Variants in ANKRD55 observed in about 807,000 individuals in gnomAD.
ANKRD55 encodes ankyrin repeat domain-containing protein 55.
Under a neutral mutation model 60.6 loss-of-function variants are expected in ANKRD55, and 41 were observed. The ratio of observed to expected loss-of-function variants is 0.68; its 90% CI spans 0.53 to 0.88. The LOEUF (loss-of-function observed/expected upper bound fraction) is 0.88, where lower values mean the gene tolerates loss of function less well. Ranked by LOEUF, ANKRD55 falls within the 40% of genes least tolerant of loss-of-function variation. The pLI is 0.00. For synonymous variants in ANKRD55, 264 were observed against 290.3 expected, an observed-to-expected ratio of 0.91 and a Z score of 0.92; for missense variants, 732 against 767.6, an observed-to-expected ratio of 0.95 and a Z score of 0.55.
At chr5:56,186,623 CT>C in intron 2 of ANKRD55, among the ~76,000 whole-genome samples, 1 of 152,258 alleles carries the variant, frequency 6.6e-6, no homozygotes, top group South Asian at 2.1e-4. Flanking sequence ...ACTACTGCTA[CT>C]TAAAAAATTT....
At chr5:56,141,131 T>TTTG (rs376416257) in intron 7 of ANKRD55, among the ~76,000 whole-genome samples, 1,832 of 13,110 alleles carry the variant, frequency 0.14, 35 homozygotes, top group Admixed American at 0.34. Context: ...GCACACACAG[T>TTTG]TTTTTTTTTT....
chr5:56,214,078 G>A (rs1257887829), intron 2 of ANKRD55, among the ~76,000 whole-genome samples: 1 of 152,220 alleles, frequency 6.6e-6, no homozygotes, highest in African/African-American at 2.4e-5. Flanking sequence ...CCATTTATAA[G>A]ACCATCAGAT....
intron 6 of ANKRD55, among the ~76,000 whole-genome samples, chr5:56,151,086 G>A (rs117489887): frequency 3.3e-5 from 5 of 152,192 alleles, no homozygotes; most frequent in Admixed American, 2.6e-4. Context: ...CTGAACTCCT[G>A]AGCTCAAGCA....
chr5:56,170,194 C>A (rs1362202259), intron 5 of ANKRD55, among the ~76,000 whole-genome samples: 1 of 152,158 alleles, frequency 6.6e-6, no homozygotes, highest in African/African-American at 2.4e-5. Flanking sequence ...ACCTTTCTGC[C>A]CAGTCACTGC....
At chr5:56,223,437 T>A (rs554313478) in intron 2 of ANKRD55, among the ~76,000 whole-genome samples, 79 of 152,298 alleles carry the variant, frequency 5.2e-4, no homozygotes, top group African/African-American at 1.8e-3. Context: ...AGGAAGAAAC[T>A]GCATCAACTA....
At chr5:56,140,869 T>C (rs952994651) in intron 7 of ANKRD55, among the ~76,000 whole-genome samples, 6 of 151,940 alleles carry the variant, frequency 3.9e-5, no homozygotes, top group African/African-American at 1.5e-4. Context: ...TCGAGACCAG[T>C]CTGACCCATG....
chr5:56,135,214 C>A (rs536544840), intron 7 of ANKRD55, among the ~76,000 whole-genome samples: 146 of 14,654 alleles, frequency 1.0e-2, no homozygotes, highest in Middle Eastern at 0.038. Flanking sequence ...TCACAACTTT[C>A]CTTCCTTCCT....
At chr5:56,175,601 C>T (rs1758718839) in intron 4 of ANKRD55, among the ~76,000 whole-genome samples, 1 of 152,106 alleles carries the variant, frequency 6.6e-6, no homozygotes, top group South Asian at 2.1e-4. Flanking sequence ...TATTATGACA[C>T]AGTTGTTAAA....
intron 2 of ANKRD55, among the ~76,000 whole-genome samples, chr5:56,220,378 C>A (rs1468672207): frequency 3.3e-5 from 5 of 152,104 alleles, no homozygotes; most frequent in African/African-American, 9.7e-5. Flanking sequence ...GAAATGGAGG[C>A]CACAGCACAC....
At chr5:56,119,026 A>C (rs1330237412) in intron 8 of ANKRD55, among the ~76,000 whole-genome samples, 1 of 152,246 alleles carries the variant, frequency 6.6e-6, no homozygotes, top group Non-Finnish European at 1.5e-5. Context: ...GTTCCTTCCG[A>C]AGTTAAACAC....
chr5:56,111,369 C>T lies in ANKRD55; in HGVS notation c.1379G>A (p.Ser460Asn), dbSNP rs770422457. 5 of 1,614,156 alleles carry T rather than the reference C, an allele frequency of 3.1e-6. No homozygotes were observed. Among genetic ancestry groups the T allele is most frequent in the Non-Finnish European group, 3.4e-6 (4 of 1,180,048 alleles). The change falls in exon 10 of 12, where the codon AGC (serine) becomes AAC (asparagine). Residue 460 changes from serine to asparagine, a missense_variant. By Grantham distance (46) the Ser-to-Asn change is conservative. Transcript: ENST00000341048. ...CTGGGCCATATGATGAGGAGCAGAG[C>T]TCAGGCCTGCATGGGAAGTGGCCCT... ...SHRATSHAGL[S>N]SAPHHMAQRS...
chr5:56,104,004 A>G (rs1756371319), intron 10 of ANKRD55, among the ~76,000 whole-genome samples: 2 of 152,192 alleles, frequency 1.3e-5, no homozygotes, highest in South Asian at 4.1e-4. Context: ...ATCCTTTTGA[A>G]CACTGAACAT....
rs569346450 is a variant in ANKRD55 at position 56,165,929 on chromosome 5, C to CA, written c.422+4764dup. ...GGGCAACAAGAGTGAAACTCTGTCT[C>CA]AAAAAAAAAAATAGTACTTATTTCA... On this transcript the variant is annotated intron_variant, in intron 5 of 11. Transcript: ENST00000341048. Among the ~76,000 whole-genome samples, 581 of 145,204 alleles carry CA rather than the reference C, an allele frequency of 4.0e-3. 3 individuals carry two copies. Among genetic ancestry groups the CA allele is most frequent in the African/African-American group, 6.8e-3 (269 of 39,756 alleles).
intron 3 of ANKRD55, among the ~76,000 whole-genome samples, chr5:56,182,276 G>A (rs1332186015): frequency 6.6e-6 from 1 of 151,848 alleles, no homozygotes; most frequent in African/African-American, 2.4e-5. Context: ...CTAATTATAG[G>A]GCTCTTCAGA....
At chr5:56,110,106 A>G (rs1383432264) in intron 10 of ANKRD55, among the ~76,000 whole-genome samples, 1 of 151,838 alleles carries the variant, frequency 6.6e-6, no homozygotes, top group Non-Finnish European at 1.5e-5. Context: ...CTGTCTATAT[A>G]AATTCTTAGG....
intron 3 of ANKRD55, among the ~76,000 whole-genome samples, chr5:56,177,623 A>C (rs1020524695): frequency 2.0e-5 from 3 of 152,096 alleles, no homozygotes; most frequent in Non-Finnish European, 2.9e-5. Context: ...AATTCAAAAA[A>C]AATTAGCCGG....
chr5:56,166,650 G>GA (rs34270576), intron 5 of ANKRD55, among the ~76,000 whole-genome samples: 7 of 150,070 alleles, frequency 4.7e-5, no homozygotes, highest in African/African-American at 7.3e-5. Flanking sequence ...ACACGGGCAG[G>GA]AAAAAAAAAG....
intron 7 of ANKRD55, among the ~76,000 whole-genome samples, chr5:56,141,024 T>G (rs6873385): frequency 6.6e-6 from 1 of 151,688 alleles, no homozygotes; most frequent in African/African-American, 2.4e-5. Flanking sequence ...GATCGCACCA[T>G]TGCACTCCAA....
intron 2 of ANKRD55, among the ~76,000 whole-genome samples, chr5:56,217,586 T>C (rs1478106388): frequency 6.6e-6 from 1 of 152,162 alleles, no homozygotes; most frequent in Non-Finnish European, 1.5e-5. Context: ...CTGGAAAGAA[T>C]TAACTATTCA....
Sources: allele counts gnomAD v4.1 joint callset (sites outside exome capture counted in the v4.1 genomes callset), GRCh38; gene constraint gnomAD v4.1.1; transcripts MANE v1.5; gene names NCBI Gene and HGNC (gene_info 2026-07-23, HGNC 2026-07-21).